RAD51B: variants seen among roughly 807,000 people sequenced by gnomAD.
RAD51B encodes DNA repair protein RAD51 homolog 2.
Under a neutral mutation model 42.2 loss-of-function variants are expected in RAD51B, and 38 were observed. The observed-to-expected ratio is 0.90, with a 90% CI of 0.70 to 1.18. RAD51B has a LOEUF of 1.18. Among genes scored for constraint, RAD51B ranks in the 50% most tolerant of loss-of-function variants. The pLI, the probability that RAD51B is intolerant of heterozygous loss-of-function variation, is 0.00. For synonymous variants in RAD51B, 154 were observed against 145.2 expected, an observed-to-expected ratio of 1.06 and a Z score of -0.43; for missense variants, 373 against 400.7, an observed-to-expected ratio of 0.93 and a Z score of 0.59.
chr14:68,435,789 T>C (rs927188517), intron 9 of RAD51B, among the ~76,000 whole-genome samples: 1 of 152,192 alleles, frequency 6.6e-6, no homozygotes, highest in African/African-American at 2.4e-5. Flanking sequence ...TTTTGAGCAT[T>C]TTTTCATGTA....
intron 4 of RAD51B, among the ~76,000 whole-genome samples, chr14:67,837,628 C>T (rs11627417): frequency 0.33 from 50,197 of 150,550 alleles, 8,637 homozygotes; most frequent in Middle Eastern, 0.44. Context: ...TCAAATTATC[C>T]TCAAACAGAG....
chr14:68,020,427 T>C (rs1300127226), intron 7 of RAD51B, among the ~76,000 whole-genome samples: 1 of 152,168 alleles, frequency 6.6e-6, no homozygotes, highest in Non-Finnish European at 1.5e-5. Context: ...TTTTTTAATG[T>C]TTTAACTCTC....
At chr14:68,451,322 C>T (rs1024609107) in intron 9 of RAD51B, among the ~76,000 whole-genome samples, 3 of 152,140 alleles carry the variant, frequency 2.0e-5, no homozygotes, top group Non-Finnish European at 4.4e-5. Context: ...ATTAAAGATA[C>T]CTTAATTCCC....
chr14:68,606,379 G>T (rs970548937), intron 10 of RAD51B, among the ~76,000 whole-genome samples: 2 of 152,140 alleles, frequency 1.3e-5, no homozygotes, highest in Non-Finnish European at 2.9e-5. Flanking sequence ...CTGCAGAACC[G>T]GAAACAGATG....
At chr14:68,139,227 A>T (rs78752836) in intron 7 of RAD51B, among the ~76,000 whole-genome samples, 1,757 of 151,848 alleles carry the variant, frequency 0.012, 47 homozygotes, top group African/African-American at 0.04. Flanking sequence ...CAAAACATTT[A>T]TTACTAAAAT....
chr14:68,224,755 C>T (rs924255506), intron 7 of RAD51B, among the ~76,000 whole-genome samples: 6 of 152,020 alleles, frequency 3.9e-5, no homozygotes, highest in South Asian at 2.1e-4. Context: ...AGTACAGTGG[C>T]GCAGTCTTGG....
chr14:67,823,470 C>A, intron 1 of RAD51B, 72 bp from the exon 2 acceptor site: 1 of 1,267,374 alleles, frequency 7.9e-7, no homozygotes, highest in Non-Finnish European at 1.1e-6. Flanking sequence ...TTTTGGATAG[C>A]CTATTCACTA....
chr14:68,370,671 C>A lies in RAD51B; in HGVS notation c.854-40753C>A, dbSNP rs118032792. 2.3e-3 allele frequency among the ~76,000 whole-genome samples: 354 copies of A among 152,122 alleles called. 2 individuals are homozygous for A. The highest frequency in any genetic ancestry group is 4.9e-3 in the Admixed American group (75 of 15,290). On this transcript the variant is annotated intron_variant, in intron 8 of 10. Transcript: ENST00000471583. ...CTGGGGGGTGTGGTATAGGGGATGGCAAGTGGTCAGATTCAAGATAAATAT... is the reference window on the plus strand; with the variant it reads ...CTGGGGGGTGTGGTATAGGGGATGGAAAGTGGTCAGATTCAAGATAAATAT...
rs568938040 is a variant in RAD51B at position 67,831,789 on chromosome 14, C to T, written c.199-3291C>T. On this transcript the variant is annotated intron_variant, in intron 3 of 10. Coordinates refer to ENST00000471583, the MANE Select transcript of RAD51B (RefSeq NM_133510.4). ...GAACTCCGGACCTCAGGTGATACGC[C>T]GGCCTCGGCCTCCCAAAATGCTGGG... Among the ~76,000 whole-genome samples, 10 of 152,252 alleles carry T rather than the reference C, an allele frequency of 6.6e-5. No individual in the cohort carries two copies. In the East Asian group the frequency reaches 7.7e-4, roughly 12 times the overall value.
intron 7 of RAD51B, among the ~76,000 whole-genome samples, chr14:68,067,256 A>C (rs189155342): frequency 1.3e-3 from 201 of 152,176 alleles, no homozygotes; most frequent in African/African-American, 4.5e-3. Context: ...TGAGGTCAGG[A>C]GTTTGAGAGC....
At chr14:68,227,265 C>G (rs912247121) in intron 7 of RAD51B, among the ~76,000 whole-genome samples, 4 of 152,194 alleles carry the variant, frequency 2.6e-5, no homozygotes, top group Non-Finnish European at 4.4e-5. Context: ...CTCCAGGCCC[C>G]AGATATGGAT....
intron 9 of RAD51B, among the ~76,000 whole-genome samples, chr14:68,416,721 T>C (rs564772577): frequency 6.6e-6 from 1 of 152,320 alleles, no homozygotes; most frequent in Non-Finnish European, 1.5e-5. Context: ...AGGAATACTT[T>C]TTGCAGAACC....
intron 8 of RAD51B, among the ~76,000 whole-genome samples, chr14:68,303,210 C>T (rs79062715): frequency 2.6e-5 from 4 of 152,128 alleles, no homozygotes; most frequent in African/African-American, 7.2e-5. Context: ...TCTCAGCAAA[C>T]TAATCCAAGA....
At chr14:68,679,245 C>T (rs1893377851) in intron 11 of RAD51B, among the ~76,000 whole-genome samples, 2 of 152,146 alleles carry the variant, frequency 1.3e-5, no homozygotes, top group South Asian at 2.1e-4. Flanking sequence ...TTATCCTCCC[C>T]ATTTTGTAAG....
intron 7 of RAD51B, among the ~76,000 whole-genome samples, chr14:68,117,409 T>C (rs2077569353): frequency 6.6e-6 from 1 of 152,080 alleles, no homozygotes; most frequent in African/African-American, 2.4e-5. Flanking sequence ...TTGGTCTAGA[T>C]AGAATATACT....
intron 11 of RAD51B, among the ~76,000 whole-genome samples, chr14:68,664,695 G>T (rs1167302531): frequency 2.6e-5 from 4 of 152,038 alleles, no homozygotes; most frequent in Non-Finnish European, 4.4e-5. Context: ...GATCACATTG[G>T]GTTCATATGT....
chr14:68,421,583 G>A (rs2084700624), intron 9 of RAD51B: 7 of 780,476 alleles, frequency 9.0e-6, no homozygotes, highest in Non-Finnish European at 1.5e-5. Context: ...AACCCAAAGG[G>A]AACTGCAGCG....
rs186985876 is a variant in RAD51B at position 68,199,662 on chromosome 14, T to A, written c.757-92222T>A. Among the ~76,000 whole-genome samples the A allele has an allele frequency of 3.9e-5, 6 of 152,296 alleles. No individual in the cohort carries two copies. The East Asian group carries it at 1.2e-3, about 29-fold the overall frequency. On this transcript the variant is annotated intron_variant, in intron 7 of 10. Transcript: ENST00000471583. The stretch of plus-strand genomic sequence containing the variant: ...CTCCCTCCTTCATCTCATTCCGTCC[T>A]CCCCCTTCAGTTCTTTGGTCCGAGA...
intron 7 of RAD51B, among the ~76,000 whole-genome samples, chr14:67,935,465 G>C (rs543846344): frequency 8.5e-5 from 13 of 152,222 alleles, no homozygotes; most frequent in African/African-American, 2.6e-4. Flanking sequence ...CCTGGGGTTG[G>C]GTGATTTTCC....
Sources: allele counts gnomAD v4.1 joint callset (sites outside exome capture counted in the v4.1 genomes callset), GRCh38; gene constraint gnomAD v4.1.1; transcripts MANE v1.5; gene names NCBI Gene and HGNC (gene_info 2026-07-23, HGNC 2026-07-21).